The following LOXHD1 variants were observed in gnomAD, a reference collection of about 807,000 sequenced individuals.
LOXHD1 encodes the protein lipoxygenase homology domain-containing protein 1.
In LOXHD1, 205 loss-of-function variants were observed where a neutral mutation model predicts 248.2. That is an observed-to-expected ratio of 0.83 (90% CI 0.74 to 0.93). The LOEUF is 0.93. Ranked by LOEUF, LOXHD1 falls within the 40% of genes least tolerant of loss-of-function variation. The probability of loss-of-function intolerance (pLI) is 0.00; values close to 1 mark genes in which losing one functional copy is unlikely to be tolerated. For missense variants in LOXHD1, 2,930 were observed against 2,971.6 expected (o/e 0.99, Z 0.33); for synonymous variants, 1,113 against 1,162.8 (o/e 0.96, Z 0.87).
chr18:46,646,812 C>G (rs559572334), intron 2 of LOXHD1, among the ~76,000 whole-genome samples: 8 of 152,346 alleles, frequency 5.3e-5, no homozygotes, highest in Admixed American at 4.6e-4. Context: ...AAGTCTCGCT[C>G]TAGCCACACT....
chr18:46,649,362 C>T, intron 1 of LOXHD1, 93 bp from the exon 2 acceptor site: 1 of 1,107,976 alleles, frequency 9.0e-7, no homozygotes, highest in Non-Finnish European at 1.3e-6. Context: ...TGGGGAGGCC[C>T]AAGCACAAAG....
At chr18:46,589,360 T>C (rs996051703) in intron 12 of LOXHD1, among the ~76,000 whole-genome samples, 8 of 152,284 alleles carry the variant, frequency 5.3e-5, no homozygotes, top group African/African-American at 1.9e-4. Context: ...TCAAGGCCCT[T>C]GCTTGACAGA....
At chr18:46,653,293 A>C (rs2039136083) in intron 1 of LOXHD1, among the ~76,000 whole-genome samples, 1 of 152,174 alleles carries the variant, frequency 6.6e-6, no homozygotes, top group African/African-American at 2.4e-5. Flanking sequence ...ATGATGACAG[A>C]ATCGGGAGAT....
intron 12 of LOXHD1, among the ~76,000 whole-genome samples, chr18:46,581,641 A>C (rs994614738): frequency 5.3e-5 from 8 of 152,220 alleles, no homozygotes; most frequent in African/African-American, 1.9e-4. Flanking sequence ...TTGAACAAAT[A>C]ATGGTCAAAA....
intron 4 of LOXHD1, among the ~76,000 whole-genome samples, chr18:46,632,414 C>G (rs1020984529): frequency 6.6e-6 from 1 of 152,132 alleles, no homozygotes; most frequent in Non-Finnish European, 1.5e-5. Context: ...CTTAGGGCAG[C>G]TCAAGAGGGC....
At chr18:46,570,860 G>A (rs2037738054) in intron 15 of LOXHD1, among the ~76,000 whole-genome samples, 1 of 152,218 alleles carries the variant, frequency 6.6e-6, no homozygotes. Flanking sequence ...GGACAAGCTT[G>A]ATCTAAACGC....
intron 2 of LOXHD1, among the ~76,000 whole-genome samples, chr18:46,645,345 A>G (rs76236899): frequency 0.18 from 26,861 of 147,282 alleles, 2,678 homozygotes; most frequent in East Asian, 0.4. Context: ...CCTGCCATTC[A>G]GCAGGAACCC....
chr18:46,590,184 A>C (rs773469057), intron 12 of LOXHD1, among the ~76,000 whole-genome samples: 5 of 152,192 alleles, frequency 3.3e-5, no homozygotes, highest in Non-Finnish European at 7.3e-5. Context: ...AGGCAAGCAG[A>C]TCCTTGAGTC....
chr18:46,515,143 G>A (rs1405559661), intron 34 of LOXHD1, among the ~76,000 whole-genome samples: 1 of 152,192 alleles, frequency 6.6e-6, no homozygotes, highest in African/African-American at 2.4e-5. Context: ...GCATCTGACT[G>A]CAGGAGCGTT....
chr18:46,649,352 TG>T, intron 1 of LOXHD1, 83 bp from the exon 2 acceptor site: 1 of 1,212,232 alleles, frequency 8.2e-7, no homozygotes, highest in Non-Finnish European at 1.2e-6. Context: ...CAGCCCTTGC[TG>T]GGGAGGCCCA....
chr18:46,610,661 G>A, intron 6 of LOXHD1, 115 bp downstream of exon 6: 1 of 1,220,836 alleles, frequency 8.2e-7, no homozygotes, highest in Non-Finnish European at 1.1e-6. Flanking sequence ...TTAGGTAGAA[G>A]AGTGGATGCA....
chr18:46,520,806 A>G, intron 33 of LOXHD1: 1 of 384,754 alleles, frequency 2.6e-6, no homozygotes, highest in Non-Finnish European at 4.8e-6. Context: ...ACAAGACCAT[A>G]CATGGAACAG....
intron 31 of LOXHD1, among the ~76,000 whole-genome samples, chr18:46,524,088 A>G (rs1302074951): frequency 1.3e-5 from 2 of 152,238 alleles, no homozygotes; most frequent in Non-Finnish European, 2.9e-5. Context: ...TTTTATTTTC[A>G]GAATCAGAAA....
chr18:46,603,944 G>T (rs1349769693), intron 7 of LOXHD1, among the ~76,000 whole-genome samples, 162 bp downstream of exon 7: 1 of 152,228 alleles, frequency 6.6e-6, no homozygotes, highest in Non-Finnish European at 1.5e-5. Flanking sequence ...GCCCCAGGCT[G>T]CAACCCAGTG....
Position 46,645,783 on chromosome 18 carries a change from T to C in LOXHD1, c.245+3372A>G, listed in dbSNP as rs1211906308. 7.3e-5 allele frequency among the ~76,000 whole-genome samples: 11 copies of C among 150,784 alleles called. No individual in the cohort carries two copies. The East Asian group carries it at 1.8e-3, about 24-fold the overall frequency. On this transcript the variant is annotated intron_variant, in intron 2 of 40. Transcript: ENST00000642948. ...TATTCTGTACTAGGAAAAAAAAAAA[T>C]CCTAATACAGCATTTGGGAGTGAAA...
chr18:46,599,910 A>G (rs1427789992), intron 8 of LOXHD1, among the ~76,000 whole-genome samples: 3 of 152,238 alleles, frequency 2.0e-5, no homozygotes, highest in Non-Finnish European at 2.9e-5. Context: ...AATTCAGACA[A>G]TATCAAGCAT....
intron 1 of LOXHD1, 29 bp downstream of exon 1, chr18:46,656,875 C>T: frequency 1.3e-6 from 2 of 1,548,884 alleles, no homozygotes; most frequent in Non-Finnish European, 1.7e-6. Context: ...AGCTGCACCA[C>T]CCGCCCCCCG....
At chr18:46,483,879 G>T in intron 39 of LOXHD1, 134 bp from the exon 40 acceptor site, 1 of 1,052,486 alleles carries the variant, frequency 9.5e-7, no homozygotes, top group Non-Finnish European at 1.4e-6. Context: ...GCTCATGGCA[G>T]TCCTGGAGGC....
chr18:46,529,090 T>C, intron 29 of LOXHD1, 87 bp downstream of exon 29: 1 of 1,479,972 alleles, frequency 6.8e-7, no homozygotes, highest in Non-Finnish European at 9.2e-7. Flanking sequence ...AGTTCCTGGA[T>C]GTCCCCAGGA....
Sources: gnomAD v4.1 joint callset for allele counts (sites outside exome capture counted in the v4.1 genomes callset) on GRCh38, gnomAD v4.1.1 for gene constraint, MANE v1.5 for transcripts, NCBI Gene and HGNC (gene_info 2026-07-23, HGNC 2026-07-21) for gene names.